Variants in DOK5 observed in about 807,000 individuals in gnomAD.
The protein encoded by DOK5 is downstream of tyrosine kinase 5.
In DOK5, 27 loss-of-function variants were observed where a neutral mutation model predicts 43.3. That is an observed-to-expected ratio of 0.62 (90% CI 0.46 to 0.86). The LOEUF is 0.86. Among genes scored for constraint, DOK5 ranks in the 40% least tolerant of loss-of-function variants. DOK5 has a pLI of 0.00. For missense variants in DOK5, 373 were observed against 392.9 expected, an observed-to-expected ratio of 0.95 and a Z score of 0.43; for synonymous variants, 146 against 140.1, an observed-to-expected ratio of 1.04 and a Z score of -0.30.
At chr20:54,505,808 C>G (rs957128839) in intron 1 of DOK5, among the ~76,000 whole-genome samples, 5 of 152,066 alleles carry the variant, frequency 3.3e-5, no homozygotes, top group East Asian at 1.9e-4. Flanking sequence ...AGGACAAGAG[C>G]CTTGAGGTGA....
intron 1 of DOK5, among the ~76,000 whole-genome samples, chr20:54,526,232 C>G (rs1439381465): frequency 6.6e-6 from 1 of 151,430 alleles, no homozygotes. Context: ...CTTCCTTCCT[C>G]TATTCATAAT....
At chr20:54,513,286 T>G (rs965009676) in intron 1 of DOK5, among the ~76,000 whole-genome samples, 3 of 152,074 alleles carry the variant, frequency 2.0e-5, no homozygotes. Context: ...TTGTTCATAG[T>G]AGTTAATTGA....
intron 2 of DOK5, among the ~76,000 whole-genome samples, chr20:54,569,708 G>T (rs920489851): frequency 9.9e-5 from 15 of 152,128 alleles, no homozygotes; most frequent in African/African-American, 3.6e-4. Context: ...AATTTCAGAT[G>T]CAAACTTCTC....
At chr20:54,549,732 A>G (rs7362510) in intron 1 of DOK5, among the ~76,000 whole-genome samples, 3,077 of 152,292 alleles carry the variant, frequency 0.02, 99 homozygotes, top group African/African-American at 0.07. Context: ...AAACTGAGGG[A>G]TAGTTAGGAA....
chr20:54,576,432 CTATT>C (rs1985454819), intron 2 of DOK5, among the ~76,000 whole-genome samples: 1 of 151,990 alleles, frequency 6.6e-6, no homozygotes, highest in Non-Finnish European at 1.5e-5. Context: ...ATATGATATT[CTATT>C]TATATAAAAA....
rs748734237 is a variant in DOK5 at position 54,560,197 on chromosome 20, T to C, written c.174+5157T>C. Among the ~76,000 whole-genome samples, 360 of 152,348 alleles carry C rather than the reference T, an allele frequency of 2.4e-3. 2 individuals carry two copies. Among genetic ancestry groups the C allele is most frequent in the Non-Finnish European group, 2.4e-3 (165 of 68,026 alleles). ...ACAGTTTCTTCCTCATCTAAAACAT[T>C]TCCTCTTCCGATACAGCTGTCTATA... On this transcript the variant is annotated intron_variant, in intron 2 of 7. Coordinates refer to ENST00000262593, the MANE Select transcript of DOK5 (RefSeq NM_018431.5).
chr20:54,604,726 C>T (rs1600729879), intron 5 of DOK5, among the ~76,000 whole-genome samples: 1 of 152,130 alleles, frequency 6.6e-6, no homozygotes, highest in African/African-American at 2.4e-5. Flanking sequence ...GTTGGCCGGG[C>T]ACGGTGGCTC....
chr20:54,575,597 T>C (rs1425138028), intron 2 of DOK5, among the ~76,000 whole-genome samples: 1 of 152,128 alleles, frequency 6.6e-6, no homozygotes, highest in Non-Finnish European at 1.5e-5. Flanking sequence ...CCCGCCACCA[T>C]GCCTAGCTAA....
At chr20:54,496,721 G>T (rs1324332181) in intron 1 of DOK5, among the ~76,000 whole-genome samples, 2 of 134,026 alleles carry the variant, frequency 1.5e-5, no homozygotes, top group Non-Finnish European at 3.0e-5. Flanking sequence ...AGCCGAGATC[G>T]CACCACTGCA....
intron 6 of DOK5, among the ~76,000 whole-genome samples, chr20:54,614,733 C>T (rs912584288): frequency 1.3e-5 from 2 of 152,140 alleles, no homozygotes; most frequent in Admixed American, 6.5e-5. Flanking sequence ...TTTAAAGCCA[C>T]GGCATCCTGT....
At chr20:54,515,956 C>T (rs1465564716) in intron 1 of DOK5, among the ~76,000 whole-genome samples, 1 of 152,148 alleles carries the variant, frequency 6.6e-6, no homozygotes, top group Non-Finnish European at 1.5e-5. Context: ...GACAGCAGTC[C>T]CTGATTCGAT....
chr20:54,644,878 A>AAT (rs1568827350), intron 7 of DOK5, among the ~76,000 whole-genome samples: 1 of 151,498 alleles, frequency 6.6e-6, no homozygotes. Context: ...CAAAAAAAAA[A>AAT]AATTCTATTT....
intron 1 of DOK5, among the ~76,000 whole-genome samples, chr20:54,479,869 G>A (rs6098007): frequency 0.17 from 26,482 of 151,886 alleles, 3,603 homozygotes; most frequent in African/African-American, 0.38. Flanking sequence ...GAACCTTGGT[G>A]TCATTTCACT....
chr20:54,597,406 T>C (rs1986176883), intron 5 of DOK5, among the ~76,000 whole-genome samples: 1 of 152,144 alleles, frequency 6.6e-6, no homozygotes, highest in Non-Finnish European at 1.5e-5. Context: ...GGTCTAATCA[T>C]GTGGTTGAGA....
chr20:54,606,869 A>G (rs1314546819), intron 5 of DOK5, among the ~76,000 whole-genome samples: 1 of 152,198 alleles, frequency 6.6e-6, no homozygotes, highest in Non-Finnish European at 1.5e-5. Context: ...AAGTCCTAAC[A>G]ATTTACACCA....
intron 5 of DOK5, among the ~76,000 whole-genome samples, chr20:54,601,429 CCTTTGA>C (rs1986294837): frequency 6.6e-6 from 1 of 152,194 alleles, no homozygotes; most frequent in Non-Finnish European, 1.5e-5. Context: ...AAGTGATCTT[CCTTTGA>C]CTTTATGCAC....
chr20:54,555,082 G>A (rs1455364984), intron 2 of DOK5, 42 bp downstream of exon 2: 18 of 1,358,576 alleles, frequency 1.3e-5, no homozygotes, highest in Non-Finnish European at 1.8e-5. Context: ...TCTATTTACA[G>A]GGAGGCAACT....
intron 6 of DOK5, among the ~76,000 whole-genome samples, chr20:54,613,049 G>A (rs537673260): frequency 2.0e-5 from 3 of 152,174 alleles, no homozygotes; most frequent in Non-Finnish European, 4.4e-5. Context: ...TGTTATTACT[G>A]TTGTTAATAG....
rs563263510 is a variant in DOK5, at chr20:54,508,860, G to A, written c.66+32848G>A. Among the ~76,000 whole-genome samples the A allele has an allele frequency of 2.6e-5, 4 of 152,124 alleles. 1 individual carries two copies. The highest frequency in any genetic ancestry group is 2.0e-4 in the Admixed American group (3 of 15,274). ...CTCCCAGAGTGTTGGGATTACAGGT[G>A]TGAGCCACTGTGCCCAGCTATTTAT... On this transcript the variant is annotated intron_variant, in intron 1 of 7. Coordinates refer to ENST00000262593, the MANE Select transcript of DOK5 (RefSeq NM_018431.5).
Sources: gnomAD v4.1 joint callset for allele counts (sites outside exome capture counted in the v4.1 genomes callset) on GRCh38, gnomAD v4.1.1 for gene constraint, MANE v1.5 for transcripts, NCBI Gene and HGNC (gene_info 2026-07-23, HGNC 2026-07-21) for gene names.